The following TTYH3 variants were observed in gnomAD, a reference collection of about 807,000 sequenced individuals.
TTYH3 encodes protein tweety homolog 3.
Under a neutral mutation model 68.2 loss-of-function variants are expected in TTYH3, and 23 were observed. The ratio of observed to expected loss-of-function variants is 0.34; its 90% CI spans 0.24 to 0.48. The LOEUF (loss-of-function observed/expected upper bound fraction) is 0.48, where lower values mean the gene tolerates loss of function less well. TTYH3 is among the 20% of genes least tolerant of loss of function. TTYH3 has a pLI of 0.99. For synonymous variants in TTYH3, 360 were observed against 332.8 expected (o/e 1.08, Z -0.89); for missense variants, 768 against 727.7 (o/e 1.06, Z -0.64).
Position 2,632,090 on chromosome 7 carries a change from C to T in TTYH3, c.-66C>T, listed in dbSNP as rs539759656. 321 of 1,229,578 alleles carry T rather than the reference C, an allele frequency of 2.6e-4. 6 individuals carry two copies. The Admixed American group carries it at 0.013, about 49-fold the overall frequency. The allele number at this position is 1,229,578 out of a possible 1,614,324, so 76.2% of individuals were successfully genotyped here. On this transcript the variant is annotated 5_prime_UTR_variant, in exon 1 of 14. Transcript: ENST00000258796. ...CGGGGGTCGACGGGTCCCTGAAGCCCGCGCCCCGGGCCAGCAAGGGAGCCC... is the reference window on the plus strand; with the variant it reads ...CGGGGGTCGACGGGTCCCTGAAGCCTGCGCCCCGGGCCAGCAAGGGAGCCC...
rs1239832720 is a variant in TTYH3 at position 2,632,015 on chromosome 7, A to G, written c.-141A>G. 17 of 671,486 alleles carry G rather than the reference A, an allele frequency of 2.5e-5. No homozygotes were observed. In the East Asian group the frequency reaches 9.0e-4, roughly 36 times the overall value. The allele number at this position is 671,486 out of a possible 1,614,324, so 41.6% of individuals were successfully genotyped here. On this transcript the variant is annotated 5_prime_UTR_variant, in exon 1 of 14. Coordinates refer to ENST00000258796, the MANE Select transcript of TTYH3 (RefSeq NM_025250.3). ...AGCCGAGCGCAGCCGAGCCGGGCCG[A>G]GCCGGGCCGGGCCGGGCCCAGGAGC...
At chr7:2,640,898 C>T (rs1038846250) in intron 1 of TTYH3, among the ~76,000 whole-genome samples, 2 of 152,230 alleles carry the variant, frequency 1.3e-5, no homozygotes, top group East Asian at 1.9e-4. Flanking sequence ...TTGGGGGTCT[C>T]GCCTTACAAG....
At chr7:2,632,660 C>A (rs1291661836) in intron 1 of TTYH3, among the ~76,000 whole-genome samples, 1 of 152,216 alleles carries the variant, frequency 6.6e-6, no homozygotes, top group Non-Finnish European at 1.5e-5. Context: ...TCACTGTTGG[C>A]GGCCTGGTGC....
intron 1 of TTYH3, among the ~76,000 whole-genome samples, chr7:2,636,148 T>C (rs1402385790): frequency 2.0e-5 from 3 of 152,194 alleles, no homozygotes; most frequent in Non-Finnish European, 2.9e-5. Context: ...AACACCTCTG[T>C]CTGTGCCGCC....
At chr7:2,646,037 A>G (rs1785971633) in intron 1 of TTYH3, among the ~76,000 whole-genome samples, 2 of 149,316 alleles carry the variant, frequency 1.3e-5, no homozygotes, top group Non-Finnish European at 3.0e-5. Flanking sequence ...TTTTTTAGAC[A>G]GTGTCTCGCT....
At position 2,632,275 on chromosome 7, in the gene TTYH3, G is replaced by A. The variant is rs769143459; in HGVS notation, c.120G>A (p.Gln40=). 1 of 1,580,472 alleles carries A rather than the reference G, an allele frequency of 6.3e-7. No individual in the cohort carries two copies. Among genetic ancestry groups the A allele is most frequent in the East Asian group, 2.3e-5 (1 of 43,598 alleles). The change falls in exon 1 of 14, where the codon CAG becomes CAA. Residue 40 remains glutamine (Q), a synonymous_variant. Transcript: ENST00000258796. The part of the protein sequence containing the change: ...SQFRPEDTDY[Q]QALLLLGAAA... Reference sequence around the variant, plus strand: ...TCCGGCCCGAGGACACCGACTACCAGCAGGTGACATGGGCCTCTCGGGGTC... The same window carrying A: ...TCCGGCCCGAGGACACCGACTACCAACAGGTGACATGGGCCTCTCGGGGTC...
chr7:2,648,120 C>T, intron 5 of TTYH3, 66 bp downstream of exon 5: 3 of 1,459,310 alleles, frequency 2.1e-6, no homozygotes, highest in Non-Finnish European at 2.8e-6. Context: ...CACCATGTTA[C>T]CCCTTCCCCC....
At position 2,645,024 on chromosome 7, in the gene TTYH3, G is replaced by A. The variant is rs1327662129; in HGVS notation, c.124-1829G>A. On this transcript the variant is annotated intron_variant, in intron 1 of 13. Coordinates refer to ENST00000258796, the MANE Select transcript of TTYH3 (RefSeq NM_025250.3). This position sits in a 1 kb window ranked among gnomAD's most constrained non-coding sequence, Gnocchi z 4.8. ...GGCCACACTGCTGAAGCATTGAGATGTGGGGAGAGAGGCGTTTCTCTGCAG... is the reference window on the plus strand; with the variant it reads ...GGCCACACTGCTGAAGCATTGAGATATGGGGAGAGAGGCGTTTCTCTGCAG... 6.6e-6 allele frequency among the ~76,000 whole-genome samples: 1 copy of A among 152,270 alleles called. No homozygotes were observed. The highest frequency in any genetic ancestry group is 1.5e-5 in the Non-Finnish European group (1 of 68,046).
intron 9 of TTYH3, among the ~76,000 whole-genome samples, chr7:2,655,445 C>T (rs543610292): frequency 4.7e-4 from 72 of 152,342 alleles, no homozygotes; most frequent in African/African-American, 1.6e-3. Context: ...CGCTCCCGGC[C>T]CCAAAATCCA....
At chr7:2,654,398 C>T (rs1033596684) in intron 9 of TTYH3, among the ~76,000 whole-genome samples, 1 of 152,032 alleles carries the variant, frequency 6.6e-6, no homozygotes, top group African/African-American at 2.4e-5. Context: ...CTGTCTCTCT[C>T]TCTCTTTCTC....
chr7:2,638,356 G>T (rs1433632632), intron 1 of TTYH3, among the ~76,000 whole-genome samples: 5 of 152,196 alleles, frequency 3.3e-5, no homozygotes, highest in Non-Finnish European at 7.4e-5. Flanking sequence ...CTTGCACGAG[G>T]GGGAGGGCGG....
At chr7:2,633,776 T>TG (rs970857511) in intron 1 of TTYH3, among the ~76,000 whole-genome samples, 7 of 152,280 alleles carry the variant, frequency 4.6e-5, no homozygotes, top group Middle Eastern at 3.4e-3. Flanking sequence ...CCCTGGGGCG[T>TG]GGGGGGCGGC....
At chr7:2,646,777 G>A (rs886654275) in intron 1 of TTYH3, 76 bp from the exon 2 acceptor site, 8 of 1,444,944 alleles carry the variant, frequency 5.5e-6, no homozygotes, top group Non-Finnish European at 6.5e-6. Context: ...TCTGCGCCAG[G>A]TCCCCTGCTG....
chr7:2,653,154 A>G, intron 9 of TTYH3, 144 bp downstream of exon 9: 3 of 680,298 alleles, frequency 4.4e-6, no homozygotes, highest in Non-Finnish European at 7.5e-6. Context: ...TGGAGGTGGC[A>G]TGGGAGGTGT....
Position 2,659,507 on chromosome 7 carries a change from A to T in TTYH3, c.1500+492A>T, listed in dbSNP as rs368347522. Among the ~76,000 whole-genome samples the T allele has an allele frequency of 3.9e-5, 6 of 152,112 alleles. No individual in the cohort carries two copies. The South Asian group carries it at 1.2e-3, about 32-fold the overall frequency. On this transcript the variant is annotated intron_variant, in intron 13 of 13. Transcript: ENST00000258796. The stretch of plus-strand genomic sequence containing the variant: ...TGCCTCCTTTTCTTTTTCTTCCTTG[A>T]GTCTTTTCCTGAGTGTCCACACATG...
chr7:2,638,008 C>T (rs577497411), intron 1 of TTYH3, among the ~76,000 whole-genome samples: 12 of 152,334 alleles, frequency 7.9e-5, no homozygotes, highest in African/African-American at 2.9e-4. Flanking sequence ...CTGCCCCCCT[C>T]GGGCCTGTGC....
intron 9 of TTYH3, among the ~76,000 whole-genome samples, chr7:2,653,906 T>C (rs945945422): frequency 3.3e-5 from 5 of 152,162 alleles, no homozygotes; most frequent in Admixed American, 1.3e-4. Context: ...TGCTATACTC[T>C]TGATAAAACC....
In TTYH3 at chr7:2,661,684, G is replaced by C; in HGVS notation, c.1517G>C (p.Arg506Thr). The change falls in exon 14 of 14, where the codon AGA becomes ACA. Residue 506 changes from arginine to threonine, a missense_variant. Arg to Thr is a moderately conservative substitution (Grantham distance 71, BLOSUM62 -1). Transcript: ENST00000258796. ...TCCCTCCAGTACACCTCCAGCATGA[G>C]AGCCAAATACCTCGCCACGAGCCAG... Reference protein sequence around the residue: ...SPPPSYTSSMRAKYLATSQPR... With the variant: ...SPPPSYTSSMTAKYLATSQPR... 6.2e-7 allele frequency: 1 copy of C among 1,612,340 alleles called. No homozygotes were observed. Among genetic ancestry groups the C allele is most frequent in the Non-Finnish European group, 8.5e-7 (1 of 1,179,550 alleles).
intron 1 of TTYH3, among the ~76,000 whole-genome samples, chr7:2,633,014 G>C (rs1260276186): frequency 6.6e-6 from 1 of 152,204 alleles, no homozygotes; most frequent in Non-Finnish European, 1.5e-5. Context: ...AGCCCAGGCA[G>C]ACCTGGGGGG....
Sources: allele counts gnomAD v4.1 joint callset (sites outside exome capture counted in the v4.1 genomes callset), GRCh38; gene constraint gnomAD v4.1.1; non-coding constraint Gnocchi (gnomAD v3.1); transcripts MANE v1.5; gene names NCBI Gene and HGNC (gene_info 2026-07-23, HGNC 2026-07-21).